The following REEP1 variants were observed in gnomAD, a reference collection of about 807,000 sequenced individuals.
REEP1 encodes the protein receptor accessory protein 1.
REEP1 carries 22 observed loss-of-function variants against 40.3 expected under a neutral mutation model. The ratio of observed to expected loss-of-function variants is 0.55; its 90% CI spans 0.39 to 0.78. The LOEUF (loss-of-function observed/expected upper bound fraction) is 0.78, where lower values mean the gene tolerates loss of function less well. Among genes scored for constraint, REEP1 ranks in the 30% least tolerant of loss-of-function variants. REEP1 has a pLI of 0.00. For missense variants in REEP1, 280 were observed against 361.1 expected, an observed-to-expected ratio of 0.78 and a Z score of 1.82; for synonymous variants, 116 against 139.2, an observed-to-expected ratio of 0.83 and a Z score of 1.17.
At chr2:86,257,950 G>A (rs926170102) in intron 3 of REEP1, among the ~76,000 whole-genome samples, 2 of 152,160 alleles carry the variant, frequency 1.3e-5, no homozygotes, top group African/African-American at 4.8e-5. Flanking sequence ...GGCTGCATAC[G>A]AGTGTATGAG....
Position 86,235,891 on chromosome 2 carries a change from C to T in REEP1, c.418-3089G>A, listed in dbSNP as rs116822344. Reference sequence around the variant, plus strand: ...CAAGACTCCTGAAAACAAATTAGCCCTTGCCCATCAAAACACTCTGAGATG... The same window carrying T: ...CAAGACTCCTGAAAACAAATTAGCCTTTGCCCATCAAAACACTCTGAGATG... On this transcript the variant is annotated intron_variant, in intron 5 of 8. Coordinates refer to ENST00000538924, the MANE Select transcript of REEP1 (RefSeq NM_001371279.1). Among the ~76,000 whole-genome samples the T allele has an allele frequency of 1.6e-3, 251 of 152,246 alleles. 1 individual carries two copies. Among genetic ancestry groups the T allele is most frequent in the African/African-American group, 5.8e-3 (239 of 41,550 alleles).
chr2:86,299,344 C>G (rs529427773), intron 1 of REEP1, among the ~76,000 whole-genome samples: 168 of 152,318 alleles, frequency 1.1e-3, no homozygotes, highest in Non-Finnish European at 1.0e-3. Context: ...CAGCATTATC[C>G]CTGGGCTTTA....
intron 1 of REEP1, among the ~76,000 whole-genome samples, chr2:86,308,470 G>A (rs1020818058): frequency 1.3e-5 from 2 of 152,178 alleles, no homozygotes; most frequent in South Asian, 2.1e-4. Flanking sequence ...TGGGACGATC[G>A]CTTGAGCATG....
chr2:86,316,592 C>T (rs1368354389), intron 1 of REEP1, among the ~76,000 whole-genome samples: 1 of 143,342 alleles, frequency 7.0e-6, no homozygotes, highest in African/African-American at 2.6e-5. Flanking sequence ...GGCGTGGTGG[C>T]TCATGCCTGT....
intron 2 of REEP1, among the ~76,000 whole-genome samples, chr2:86,267,639 T>C (rs1471908955): frequency 2.0e-5 from 3 of 151,888 alleles, no homozygotes; most frequent in African/African-American, 7.2e-5. Context: ...TAAGCTATGA[T>C]CATGTCACTG....
chr2:86,235,637 A>T (rs1355484168), intron 5 of REEP1, among the ~76,000 whole-genome samples: 1 of 152,142 alleles, frequency 6.6e-6, no homozygotes, highest in African/African-American at 2.4e-5. Flanking sequence ...TTCCCTCAAC[A>T]CAGTTTGCCA....
intron 2 of REEP1, chr2:86,279,979 G>C: frequency 2.2e-6 from 1 of 456,316 alleles, no homozygotes; most frequent in South Asian, 1.5e-5. Flanking sequence ...AAAATAGTGA[G>C]AATCTCATTT....
At position 86,227,395 on chromosome 2, in the gene REEP1, C is replaced by T. The variant is rs1303990738; in HGVS notation, c.599G>A (p.Cys200Tyr). ...GGTCCTGCAGGTGGAGCAGCAGGTA[C>T]ACACTGTGGGAATGGGGTAGGGGCA... The part of the protein sequence containing the change: ...SASESASSSV[C>Y]TCCSTCRTWK... Residue 200 changes from cysteine (C) to tyrosine (Y), a missense_variant, in exon 7 of 9, where the codon TGT (cysteine) becomes TAT (tyrosine). By Grantham distance (194) the Cys-to-Tyr change is radical. Coordinates refer to ENST00000538924, the MANE Select transcript of REEP1 (RefSeq NM_001371279.1). 2 of 1,232,284 alleles carry T rather than the reference C, an allele frequency of 1.6e-6. No homozygotes were observed. Among genetic ancestry groups the T allele is most frequent in the Non-Finnish European group, 1.0e-6 (1 of 988,198 alleles). The allele number at this position is 1,232,284 out of a possible 1,614,324, so 76.3% of individuals were successfully genotyped here. A position where few individuals can be genotyped will look rare whatever the true frequency, so the allele number is the denominator to read the frequency against.
intron 5 of REEP1, among the ~76,000 whole-genome samples, chr2:86,242,067 A>G (rs1231385129): frequency 1.3e-5 from 2 of 152,086 alleles, no homozygotes; most frequent in African/African-American, 4.8e-5. Flanking sequence ...GAAAGAGAAG[A>G]TCATAATCAG....
intron 6 of REEP1, among the ~76,000 whole-genome samples, chr2:86,232,180 T>C (rs952107717): frequency 1.3e-5 from 2 of 152,070 alleles, no homozygotes; most frequent in Non-Finnish European, 2.9e-5. Context: ...CAGGCAATAT[T>C]CAGGCAGGGA....
intron 6 of REEP1, among the ~76,000 whole-genome samples, chr2:86,232,123 C>T (rs1675051587): frequency 6.6e-6 from 1 of 152,090 alleles, no homozygotes; most frequent in South Asian, 2.1e-4. Flanking sequence ...GTGTGAGGTA[C>T]ATGAGAGGTC....
intron 2 of REEP1, among the ~76,000 whole-genome samples, chr2:86,272,935 A>C (rs1397765797): frequency 6.6e-6 from 1 of 152,116 alleles, no homozygotes; most frequent in South Asian, 2.1e-4. Context: ...CCAGCCTGGG[A>C]AATGCGGTGA....
chr2:86,295,583 G>A (rs767088328), intron 1 of REEP1, among the ~76,000 whole-genome samples: 4 of 152,034 alleles, frequency 2.6e-5, no homozygotes, highest in African/African-American at 4.8e-5. Context: ...GGAGTGCTTC[G>A]GTGTGATCTC....
At chr2:86,283,794 G>A (rs1176256116) in intron 1 of REEP1, among the ~76,000 whole-genome samples, 1 of 152,218 alleles carries the variant, frequency 6.6e-6, no homozygotes, top group Non-Finnish European at 1.5e-5. Context: ...AATGCACGGA[G>A]CAGCCAGTCA....
At chr2:86,290,443 T>C (rs543282977) in intron 1 of REEP1, among the ~76,000 whole-genome samples, 4 of 152,036 alleles carry the variant, frequency 2.6e-5, no homozygotes, top group African/African-American at 4.8e-5. Context: ...TTCACCACTA[T>C]ACACCTGACC....
chr2:86,304,952 T>C (rs760845996), intron 1 of REEP1, among the ~76,000 whole-genome samples: 1 of 151,884 alleles, frequency 6.6e-6, no homozygotes, highest in Non-Finnish European at 1.5e-5. Context: ...GAGAGAAGAT[T>C]GAAACAGACA....
chr2:86,289,967 G>A (rs1176529978), intron 1 of REEP1, among the ~76,000 whole-genome samples: 2 of 152,090 alleles, frequency 1.3e-5, no homozygotes, highest in Non-Finnish European at 2.9e-5. Flanking sequence ...AGGGTGACAT[G>A]TGTTAATGAC....
chr2:86,317,596 T>G (rs1680077936), intron 1 of REEP1, among the ~76,000 whole-genome samples: 1 of 152,248 alleles, frequency 6.6e-6, no homozygotes, highest in Non-Finnish European at 1.5e-5. Context: ...GTACTTTGCA[T>G]GAATCATGGC....
chr2:86,248,194 G>C (rs1676072978), intron 5 of REEP1, among the ~76,000 whole-genome samples: 1 of 152,178 alleles, frequency 6.6e-6, no homozygotes. Flanking sequence ...AGCCCAGTGT[G>C]CTGAGTCTCT....
Sources: gnomAD v4.1 joint callset for allele counts (sites outside exome capture counted in the v4.1 genomes callset) on GRCh38, gnomAD v4.1.1 for gene constraint, MANE v1.5 for transcripts, NCBI Gene and HGNC (gene_info 2026-07-23, HGNC 2026-07-21) for gene names.